The following ESCO1 variants were observed in gnomAD, a reference collection of about 807,000 sequenced individuals.
ESCO1 encodes the protein N-acetyltransferase ESCO1.
In ESCO1, 33 loss-of-function variants were observed where a neutral mutation model predicts 83.5. The ratio of observed to expected loss-of-function variants is 0.40; its 90% CI spans 0.30 to 0.53. The LOEUF is 0.53. ESCO1 is among the 20% of genes least tolerant of loss of function. ESCO1 has a pLI of 0.63. For synonymous variants in ESCO1, 332 were observed against 324.3 expected (o/e 1.02, Z -0.25); for missense variants, 855 against 968.0 (o/e 0.88, Z 1.55).
intron 2 of ESCO1, among the ~76,000 whole-genome samples, chr18:21,581,083 G>A (rs1354592335): frequency 3.3e-5 from 5 of 152,026 alleles, no homozygotes; most frequent in African/African-American, 9.7e-5. Flanking sequence ...AGGCCGAGGC[G>A]GGCTCATCAC....
At position 21,574,439 on chromosome 18, in the gene ESCO1, C is replaced by A. The variant is rs139265847; in HGVS notation, c.405G>T (p.Ser135=). Residue 135 remains serine (S), a synonymous_variant, in exon 4 of 12, where the codon TCG becomes TCT. Transcript: ENST00000269214. ...LQQLTEVSRR[S]LRSREIQGQV... is the part of the protein sequence containing the mutation. ...GACCCTGAATTTCTCTACTGCGTAA[C>A]GACCTTCTTGAAACCTCTGTTAATT... 3 of 1,614,098 alleles carry A rather than the reference C, an allele frequency of 1.9e-6. No homozygotes were observed. Among genetic ancestry groups the A allele is most frequent in the East Asian group, 2.2e-5 (1 of 44,868 alleles).
At chr18:21,564,358 C>A (rs758618222) in intron 6 of ESCO1, 41 bp from the exon 7 acceptor site, 3 of 1,226,992 alleles carry the variant, frequency 2.4e-6, no homozygotes, top group Admixed American at 2.3e-5. Context: ...AGATCCAAGT[C>A]ATTTCACATC....
chr18:21,582,157 GAGT>G (rs1349007802), intron 2 of ESCO1, among the ~76,000 whole-genome samples: 2 of 151,870 alleles, frequency 1.3e-5, no homozygotes, highest in African/African-American at 4.8e-5. Flanking sequence ...TCTAGTTTAT[GAGT>G]AAGAAAATGT....
chr18:21,553,965 TTAAAATAAA>T (rs2038080772), intron 8 of ESCO1, among the ~76,000 whole-genome samples: 2 of 149,428 alleles, frequency 1.3e-5, no homozygotes, highest in African/African-American at 4.9e-5. Flanking sequence ...AAAATTAAAA[TTAAAATAAA>T]TAAAATAAAA....
intron 7 of ESCO1, among the ~76,000 whole-genome samples, chr18:21,562,700 T>C (rs1228759027): frequency 3.3e-5 from 5 of 152,094 alleles, no homozygotes; most frequent in African/African-American, 1.2e-4. Context: ...TTCCTAGTAC[T>C]TTGGGTGCCT....
chr18:21,595,670 A>G (rs1194437185), intron 1 of ESCO1, among the ~76,000 whole-genome samples: 1 of 146,404 alleles, frequency 6.8e-6, no homozygotes, highest in Non-Finnish European at 1.5e-5. Context: ...TCCGACTCCA[A>G]AAAAAAAAAT....
chr18:21,567,623 G>T (rs1222867104), intron 5 of ESCO1, among the ~76,000 whole-genome samples: 1 of 152,140 alleles, frequency 6.6e-6, no homozygotes, highest in Non-Finnish European at 1.5e-5. Context: ...TTAAAGATAA[G>T]AACCTGAAAT....
chr18:21,560,835 T>C (rs1384661834), intron 8 of ESCO1, 24 bp downstream of exon 8: 1 of 1,594,302 alleles, frequency 6.3e-7, no homozygotes, highest in Admixed American at 1.8e-5. Context: ...TTTTTGCATT[T>C]TAGAATTCAC....
At chr18:21,585,820 C>T (rs1354680026) in intron 1 of ESCO1, among the ~76,000 whole-genome samples, 3 of 151,940 alleles carry the variant, frequency 2.0e-5, no homozygotes, top group African/African-American at 4.8e-5. Flanking sequence ...CTCAAACCCC[C>T]GGGCTCAAGC....
In ESCO1 at chr18:21,573,838, G is replaced by C. The variant is rs2038376178; in HGVS notation, c.1006C>G (p.Pro336Ala). Residue 336 changes from proline to alanine, a missense_variant, in exon 4 of 12, where the codon CCC (proline) becomes GCC (alanine). By Grantham distance (27) the Pro-to-Ala change is conservative. Transcript: ENST00000269214. ...GTCTCTTCCAATTTTATTTCTGTGG[G>C]CTTTTCTTCCTTTACACTTTCCATT... ...SQMESVKEEKPTEIKLEETSV... is the reference protein window; with the variant it reads ...SQMESVKEEKATEIKLEETSV... The C allele has an allele frequency of 6.2e-7, 1 of 1,613,736 alleles. No individual in the cohort carries two copies. Among genetic ancestry groups the C allele is most frequent in the Non-Finnish European group, 8.5e-7 (1 of 1,179,976 alleles).
intron 7 of ESCO1, among the ~76,000 whole-genome samples, chr18:21,563,160 T>C (rs1462673564): frequency 6.6e-6 from 1 of 152,056 alleles, no homozygotes; most frequent in Non-Finnish European, 1.5e-5. Context: ...CGTGAGCCAC[T>C]GCACCTGGAC....
intron 1 of ESCO1, among the ~76,000 whole-genome samples, chr18:21,590,226 CTTT>C (rs1182731940): frequency 1.4e-5 from 2 of 143,476 alleles, no homozygotes; most frequent in Admixed American, 7.0e-5. Context: ...AACCCTTTTT[CTTT>C]TTTTTTTTTT....
At chr18:21,569,609 G>C (rs1185963871) in intron 4 of ESCO1, among the ~76,000 whole-genome samples, 17 of 152,194 alleles carry the variant, frequency 1.1e-4, no homozygotes, top group Non-Finnish European at 5.9e-5. Context: ...GCTGGGTGTG[G>C]TGGCAGGCAC....
intron 4 of ESCO1, among the ~76,000 whole-genome samples, chr18:21,571,534 A>C (rs1234750572): frequency 6.6e-6 from 1 of 152,214 alleles, no homozygotes; most frequent in Non-Finnish European, 1.5e-5. Context: ...GGCTGCATAA[A>C]TTCAAAGTAT....
At chr18:21,582,160 TAAG>T (rs2038511862) in intron 2 of ESCO1, among the ~76,000 whole-genome samples, 1 of 151,762 alleles carries the variant, frequency 6.6e-6, no homozygotes. Context: ...AGTTTATGAG[TAAG>T]AAAATGTTCA....
chr18:21,567,810 A>G (rs1043582702), intron 5 of ESCO1, among the ~76,000 whole-genome samples, 170 bp downstream of exon 5: 2 of 152,230 alleles, frequency 1.3e-5, no homozygotes, highest in South Asian at 2.1e-4. Context: ...ACCAATCAAC[A>G]GAAGTAATTC....
chr18:21,556,120 T>C (rs2038109566), intron 8 of ESCO1, among the ~76,000 whole-genome samples: 1 of 151,442 alleles, frequency 6.6e-6, no homozygotes, highest in Non-Finnish European at 1.5e-5. Context: ...CCAGGCATGG[T>C]GGCACACAAC....
chr18:21,537,683 T>G (rs954381939), intron 9 of ESCO1, among the ~76,000 whole-genome samples: 37 of 152,206 alleles, frequency 2.4e-4, no homozygotes, highest in African/African-American at 8.4e-4. Context: ...TTTTAACCTA[T>G]TATGGGTTAC....
At chr18:21,599,262 C>T (rs1025662349) in intron 1 of ESCO1, among the ~76,000 whole-genome samples, 2 of 151,968 alleles carry the variant, frequency 1.3e-5, no homozygotes, top group South Asian at 2.1e-4. Context: ...TGCTTGGGGC[C>T]GGGGAGGGAG....
Sources: gnomAD v4.1 joint callset for allele counts (sites outside exome capture counted in the v4.1 genomes callset) on GRCh38, gnomAD v4.1.1 for gene constraint, MANE v1.5 for transcripts, NCBI Gene and HGNC (gene_info 2026-07-23, HGNC 2026-07-21) for gene names.